The following CFL2 variants were observed in gnomAD, a reference collection of about 807,000 sequenced individuals.
CFL2 encodes the protein cofilin-2.
CFL2 carries 10 observed loss-of-function variants against 19.6 expected under a neutral mutation model. The ratio of observed to expected loss-of-function variants is 0.51; its 90% CI spans 0.31 to 0.86. The LOEUF is 0.86. CFL2 is among the 40% of genes least tolerant of loss of function. The pLI, the probability that CFL2 is intolerant of heterozygous loss-of-function variation, is 0.04. For synonymous variants in CFL2, 63 were observed against 66.7 expected, an observed-to-expected ratio of 0.95 and a Z score of 0.27; for missense variants, 125 against 192.1, an observed-to-expected ratio of 0.65 and a Z score of 2.06.
chr14:34,714,421 G>A (rs1885424820), intron 1 of CFL2, 117 bp downstream of exon 1: 3 of 1,432,340 alleles, frequency 2.1e-6, no homozygotes, highest in Middle Eastern at 2.4e-4. Context: ...GAGCCGCAGA[G>A]CAGAAGCGCC....
At position 34,713,841 on chromosome 14, in the gene CFL2, G is replaced by A. The variant is rs956828808; in HGVS notation, c.4-280C>T. 70 of 1,543,938 alleles carry A rather than the reference G, an allele frequency of 4.5e-5. No homozygotes were observed. In the African/African-American group the frequency reaches 9.5e-4, roughly 21 times the overall value. ...CCCTGAAATGTTTCCTATTTCACTG[G>A]GTGATGTCAGAGCTTCAGGAGTGGC... On this transcript the variant is annotated intron_variant, in intron 1 of 3. Coordinates refer to ENST00000298159, the MANE Select transcript of CFL2 (RefSeq NM_138638.5).
In CFL2 at chr14:34,711,422, GCA is replaced by G. The variant is rs1486774969; in HGVS notation, c.*1441_*1442del. 2.2e-6 allele frequency: 1 copy of G among 454,414 alleles called. No homozygotes were observed. The highest frequency in any genetic ancestry group is 2.0e-5 in the African/African-American group (1 of 49,992). The allele number at this position is 454,414 out of a possible 1,614,324, so 28.1% of individuals were successfully genotyped here. ...GAGCAGATCAAATTCTCTATAAGGA[GCA>G]CAGTCTGGACCATAGCCAAATCCCA... On this transcript the variant is annotated 3_prime_UTR_variant, in exon 4 of 4. Coordinates refer to ENST00000298159, the MANE Select transcript of CFL2 (RefSeq NM_138638.5).
rs925446947 is a variant in CFL2 at position 34,713,798 on chromosome 14, A to G, written c.4-237T>C. 10 of 1,601,040 alleles carry G rather than the reference A, an allele frequency of 6.2e-6. No individual in the cohort carries two copies. The African/African-American group carries it at 1.2e-4, about 19-fold the overall frequency. ...GTTTGGACGTGGAAGCGAAAGGGAC[A>G]AATACAAGTTGTCCCATCCCTGAAA... On this transcript the variant is annotated intron_variant, in intron 1 of 3. Coordinates refer to ENST00000298159, the MANE Select transcript of CFL2 (RefSeq NM_138638.5).
At position 34,712,578 on chromosome 14, in the gene CFL2, C is replaced by T. The variant is rs1885339164; in HGVS notation, c.*287G>A. On this transcript the variant is annotated 3_prime_UTR_variant, in exon 4 of 4. Transcript: ENST00000298159. The stretch of plus-strand genomic sequence containing the variant: ...TCTAAGCTATTCACATTGACGATCA[C>T]ATACATTGTAGTGCTTGCTGCAAGG... 1.8e-6 allele frequency: 1 copy of T among 554,416 alleles called. No homozygotes were observed. The highest frequency in any genetic ancestry group is 1.9e-5 in the African/African-American group (1 of 53,748). 34.3% of individuals were successfully genotyped at this position (554,416 alleles called of 1,614,324 possible).
rs188111907 is a variant in CFL2, at chr14:34,709,403, G to T, written c.*3462C>A. On this transcript the variant is annotated 3_prime_UTR_variant, in exon 4 of 4. Coordinates refer to ENST00000298159, the MANE Select transcript of CFL2 (RefSeq NM_138638.5). ...ATAAAGCAATTAGTTGGATGTTCCAGAGCAAAAGAAAAGCCTCAGACTTCT... is the reference window on the plus strand; with the variant it reads ...ATAAAGCAATTAGTTGGATGTTCCATAGCAAAAGAAAAGCCTCAGACTTCT... 2 of 152,046 alleles carry T rather than the reference G, an allele frequency of 1.3e-5. No homozygotes were observed. Among genetic ancestry groups the T allele is most frequent in the Non-Finnish European group, 2.9e-5 (2 of 68,012 alleles). 9.4% of individuals were successfully genotyped at this position (152,046 alleles called of 1,614,324 possible).
Position 34,712,243 on chromosome 14 carries a change from T to C in CFL2, c.*622A>G, listed in dbSNP as rs1448438681. On this transcript the variant is annotated 3_prime_UTR_variant, in exon 4 of 4. Coordinates refer to ENST00000298159, the MANE Select transcript of CFL2 (RefSeq NM_138638.5). ...AGGCATTAATAACAGCTATTTCTTT[T>C]AAGAAGATATGCAGGTAACAGGAAT... 2.2e-6 allele frequency: 1 copy of C among 454,566 alleles called. No individual in the cohort carries two copies. The highest frequency in any genetic ancestry group is 4.4e-6 in the Non-Finnish European group (1 of 226,784). 28.2% of individuals were successfully genotyped at this position (454,566 alleles called of 1,614,324 possible). A position where few individuals can be genotyped will look rare whatever the true frequency, so the allele number is the denominator to read the frequency against.
chr14:34,713,640 C>T (rs925497727), intron 1 of CFL2, 79 bp from the exon 2 acceptor site: 2 of 1,613,774 alleles, frequency 1.2e-6, no homozygotes, highest in Admixed American at 1.7e-5. Context: ...AGAGAAGACT[C>T]ACTTTAGTCT....
rs747957322 is a variant in CFL2 at position 34,710,830 on chromosome 14, A to C, written c.*2035T>G. On this transcript the variant is annotated 3_prime_UTR_variant, in exon 4 of 4. Coordinates refer to ENST00000298159, the MANE Select transcript of CFL2 (RefSeq NM_138638.5). ...GCTACAAAAACAAAAGATACTACAT[A>C]ACTGATTTATAGTCCCTTATTTTTT... is the stretch of plus-strand genomic sequence containing the variant. 44 of 453,912 alleles carry C rather than the reference A, an allele frequency of 9.7e-5. No homozygotes were observed. In the Middle Eastern group the frequency reaches 2.8e-3, roughly 29 times the overall value. 28.1% of individuals were successfully genotyped at this position (453,912 alleles called of 1,614,324 possible). A position where few individuals can be genotyped will look rare whatever the true frequency, so the allele number is the denominator to read the frequency against.
chr14:34,712,416 G>A lies in CFL2; in HGVS notation c.*449C>T, dbSNP rs563453508. ...ATATCACTAAAATAGGCTTGCCAAG[G>A]CAGGTGAGGTGTATGAATGCTCAAG... is the stretch of plus-strand genomic sequence containing the variant. On this transcript the variant is annotated 3_prime_UTR_variant, in exon 4 of 4. Coordinates refer to ENST00000298159, the MANE Select transcript of CFL2 (RefSeq NM_138638.5). The A allele has an allele frequency of 6.4e-5, 29 of 455,144 alleles. No homozygotes were observed. Among genetic ancestry groups the A allele is most frequent in the South Asian group, 4.3e-4 (28 of 64,476 alleles). 28.2% of individuals were successfully genotyped at this position (455,144 alleles called of 1,614,324 possible).
chr14:34,713,726 C>G (rs1885400093), intron 1 of CFL2, 165 bp from the exon 2 acceptor site: 1 of 1,612,240 alleles, frequency 6.2e-7, no homozygotes, highest in East Asian at 2.2e-5. Context: ...GTAGACGATA[C>G]AGCGAAGGAG....
chr14:34,713,738 C>CT, intron 1 of CFL2, 177 bp from the exon 2 acceptor site: 1 of 1,612,152 alleles, frequency 6.2e-7, no homozygotes, highest in Non-Finnish European at 8.5e-7. Context: ...GCGAAGGAGT[C>CT]TAACTCATCC....
rs1383974228 is a variant in CFL2 at position 34,710,811 on chromosome 14, A to C, written c.*2054T>G. The stretch of plus-strand genomic sequence containing the variant: ...CAAGAAAGTTAAGGAATCAGCTACA[A>C]AAACAAAAGATACTACATAACTGAT... On this transcript the variant is annotated 3_prime_UTR_variant, in exon 4 of 4. Coordinates refer to ENST00000298159, the MANE Select transcript of CFL2 (RefSeq NM_138638.5). 4.4e-6 allele frequency: 2 copies of C among 452,826 alleles called. No homozygotes were observed. Among genetic ancestry groups the C allele is most frequent in the East Asian group, 1.4e-4 (2 of 14,414 alleles). The allele number at this position is 452,826 out of a possible 1,614,324, so 28.1% of individuals were successfully genotyped here.
At chr14:34,714,358 A>G in intron 1 of CFL2, 180 bp downstream of exon 1, 1 of 1,030,882 alleles carries the variant, frequency 9.7e-7, no homozygotes, top group Non-Finnish European at 1.3e-6. Flanking sequence ...TCCAAAGAGC[A>G]GCAGGGCAGG....
chr14:34,713,193 T>C lies in CFL2; in HGVS notation c.312-57A>G, dbSNP rs982661020. 9.0e-6 allele frequency: 14 copies of C among 1,547,644 alleles called. No homozygotes were observed. The African/African-American group carries it at 1.7e-4, about 19-fold the overall frequency. ...TTTATAAGAAAAACAAAGGTAAGAC[T>C]GACTATGATAATAATAATCCTTGCA... On this transcript the variant is annotated intron_variant, in intron 2 of 3. Transcript: ENST00000298159.
chr14:34,711,900 C>CA lies in CFL2; in HGVS notation c.*964dup, dbSNP rs758463033. Reference sequence around the variant, plus strand: ...GAAAATATCACACATGAATGCTGTACAAAAAAAATTCTCAAATGACCAGTG... The same window carrying CA: ...GAAAATATCACACATGAATGCTGTACAAAAAAAAATTCTCAAATGACCAGTG... On this transcript the variant is annotated 3_prime_UTR_variant, in exon 4 of 4. Transcript: ENST00000298159. The CA allele has an allele frequency of 2.6e-4, 119 of 453,840 alleles. No homozygotes were observed. The highest frequency in any genetic ancestry group is 4.7e-4 in the Non-Finnish European group (107 of 226,588). The allele number at this position is 453,840 out of a possible 1,614,324, so 28.1% of individuals were successfully genotyped here. A position where few individuals can be genotyped will look rare whatever the true frequency, so the allele number is the denominator to read the frequency against.
chr14:34,711,975 T>C lies in CFL2; in HGVS notation c.*890A>G. The C allele has an allele frequency of 2.2e-6, 1 of 454,486 alleles. No individual in the cohort carries two copies. The highest frequency in any genetic ancestry group is 1.6e-5 in the South Asian group (1 of 64,468). The allele number at this position is 454,486 out of a possible 1,614,324, so 28.2% of individuals were successfully genotyped here. A position where few individuals can be genotyped will look rare whatever the true frequency, so the allele number is the denominator to read the frequency against. On this transcript the variant is annotated 3_prime_UTR_variant, in exon 4 of 4. Coordinates refer to ENST00000298159, the MANE Select transcript of CFL2 (RefSeq NM_138638.5). ...ACCCTAGAAGTTGTTTCACATAACATTTTGCAAAATTTCCAAGGAAAACAA... is the reference window on the plus strand; with the variant it reads ...ACCCTAGAAGTTGTTTCACATAACACTTTGCAAAATTTCCAAGGAAAACAA...
Position 34,712,150 on chromosome 14 carries a change from C to T in CFL2, c.*715G>A, listed in dbSNP as rs920286422. 15 of 454,296 alleles carry T rather than the reference C, an allele frequency of 3.3e-5. No individual in the cohort carries two copies. Among genetic ancestry groups the T allele is most frequent in the African/African-American group, 1.8e-4 (9 of 49,984 alleles). The allele number at this position is 454,296 out of a possible 1,614,324, so 28.1% of individuals were successfully genotyped here. ...GATATTCAAAATATCTTTAGTGTTG[C>T]AGGACTCACATGGTAAACATAAAAC... is the stretch of plus-strand genomic sequence containing the variant. On this transcript the variant is annotated 3_prime_UTR_variant, in exon 4 of 4. Coordinates refer to ENST00000298159, the MANE Select transcript of CFL2 (RefSeq NM_138638.5).
Position 34,709,965 on chromosome 14 carries a change from G to A in CFL2, c.*2900C>T, listed in dbSNP as rs1885231698. The A allele has an allele frequency of 6.6e-6, 1 of 152,130 alleles. No homozygotes were observed. The highest frequency in any genetic ancestry group is 2.1e-4 in the South Asian group (1 of 4,832). 9.4% of individuals were successfully genotyped at this position (152,130 alleles called of 1,614,324 possible). A position where few individuals can be genotyped will look rare whatever the true frequency, so the allele number is the denominator to read the frequency against. On this transcript the variant is annotated 3_prime_UTR_variant, in exon 4 of 4. Transcript: ENST00000298159. The stretch of plus-strand genomic sequence containing the variant: ...AAAATGAGACTGTTTTTTCTGAGTG[G>A]CAAACCTAAGAGTCTTCTCAACCTC...
intron 1 of CFL2, 172 bp downstream of exon 1, chr14:34,714,366 A>C: frequency 8.3e-6 from 9 of 1,088,662 alleles, no homozygotes; most frequent in Non-Finnish European, 9.7e-6. Flanking sequence ...GCAGCAGGGC[A>C]GGGCCTGACG....
Sources: gnomAD v4.1 joint callset for allele counts on GRCh38, gnomAD v4.1.1 for gene constraint, MANE v1.5 for transcripts, NCBI Gene and HGNC (gene_info 2026-07-23, HGNC 2026-07-21) for gene names.